HLA-DPB1: variants seen among roughly 807,000 people sequenced by gnomAD.
HLA-DPB1 encodes the protein HLA class II histocompatibility antigen, DP beta 1 chain.
Under a neutral mutation model 29.4 loss-of-function variants are expected in HLA-DPB1, and 30 were observed. The ratio of observed to expected loss-of-function variants is 1.02; its 90% confidence interval spans 0.76 to 1.38. The LOEUF (loss-of-function observed/expected upper bound fraction) is 1.38. Among genes scored for constraint, HLA-DPB1 ranks in the 40% most tolerant of loss-of-function variants. The probability of loss-of-function intolerance (pLI) is 0.00; values close to 1 mark genes in which losing one functional copy is unlikely to be tolerated. For missense variants in HLA-DPB1, 261 were observed against 327.5 expected (o/e 0.80, Z 1.57); for synonymous variants, 114 against 134.0 (o/e 0.85, Z 1.03).
rs963522194 is a variant in HLA-DPB1 at position 33,080,978 on chromosome 6, G to T, written c.364+43G>T. The T allele has an allele frequency of 1.6e-5, 24 of 1,525,208 alleles. No homozygotes were observed. The highest frequency in any genetic ancestry group is 2.0e-5 in the Non-Finnish European group (23 of 1,141,582). The allele number at this position is 1,525,208 out of a possible 1,614,324, so 94.5% of individuals were successfully genotyped here. A position where few individuals can be genotyped will look rare whatever the true frequency, so the allele number is the denominator to read the frequency against. On this transcript the variant is annotated intron_variant, in intron 2 of 5. Coordinates refer to ENST00000418931, the MANE Select transcript of HLA-DPB1 (RefSeq NM_002121.6). This position sits in a 1 kb window ranked among gnomAD's most constrained non-coding sequence, Gnocchi z 4.3. Reference sequence around the variant, plus strand: ...GCCGGCGGTCCCAGGGCAGCCCCGCGGGCCCGTGCCCAGGGCGCAGGAGCA... The same window carrying T: ...GCCGGCGGTCCCAGGGCAGCCCCGCTGGCCCGTGCCCAGGGCGCAGGAGCA...
chr6:33,084,434 T>C (rs902660600), intron 2 of HLA-DPB1, among the ~76,000 whole-genome samples: 1 of 152,174 alleles, frequency 6.6e-6, no homozygotes, highest in Non-Finnish European at 1.5e-5. Context: ...ACTAGCCTAA[T>C]CACATTATTC....
rs142701217 is a variant in HLA-DPB1, at chr6:33,076,319, T to A, written c.100+178T>A. Among the ~76,000 whole-genome samples, 542 of 152,350 alleles carry A rather than the reference T, an allele frequency of 3.6e-3. 3 individuals are homozygous for A. The highest frequency in any genetic ancestry group is 0.026 in the East Asian group (133 of 5,190). On this transcript the variant is annotated intron_variant, in intron 1 of 5. Transcript: ENST00000418931. The stretch of plus-strand genomic sequence containing the variant: ...CCTATAGGATAGCTTGCTACCCTAC[T>A]GGCCTATTCTCTCTCCAAGGACATG...
chr6:33,081,289 A>G (rs111612495), intron 2 of HLA-DPB1: 4,558 of 267,542 alleles, frequency 0.017, 106 homozygotes, highest in African/African-American at 0.066. Flanking sequence ...GAAGAAACCT[A>G]CAGGGAGGTA....
At chr6:33,076,278 A>G in intron 1 of HLA-DPB1, 137 bp downstream of exon 1, 1 of 632,704 alleles carries the variant, frequency 1.6e-6, no homozygotes, top group Non-Finnish European at 2.8e-6. Flanking sequence ...TCCCAGCTAG[A>G]GAAAGAGGTT....
Position 33,080,688 on chromosome 6 carries a change from G to GTT in HLA-DPB1, c.117_118insTT (p.Gly40LeufsTer39). 1 of 1,612,804 alleles carries GTT rather than the reference G, an allele frequency of 6.2e-7. No individual in the cohort carries two copies. Among genetic ancestry groups the GTT allele is most frequent in the Non-Finnish European group, 8.5e-7 (1 of 1,179,510 alleles). Reference sequence around the variant, plus strand: ...TCCCCGCAGAGAATTACCTTTTCCAGGGACGGCAGGAATGCTACGCGTTTA... The same window carrying GTT: ...TCCCCGCAGAGAATTACCTTTTCCAGTTGGACGGCAGGAATGCTACGCGTTTA... On this transcript the variant is annotated frameshift_variant, in exon 2 of 6. Transcript: ENST00000418931. LOFTEE classifies it high-confidence loss of function. The surrounding 1 kb of genome is among the most constrained non-coding windows in gnomAD (Gnocchi z 4.3).
At chr6:33,077,370 A>T (rs2213307) in intron 1 of HLA-DPB1, among the ~76,000 whole-genome samples, 62,042 of 151,696 alleles carry the variant, frequency 0.41, 13,295 homozygotes, top group African/African-American at 0.5. Flanking sequence ...ATAGTGCCGC[A>T]ATAAACATAT....
At chr6:33,079,620 A>T (rs1290790756) in intron 1 of HLA-DPB1, 7 of 460,518 alleles carry the variant, frequency 1.5e-5, no homozygotes, top group South Asian at 6.7e-5. Flanking sequence ...TTGATGCCCA[A>T]CATTGCTTAT....
At chr6:33,083,230 G>A (rs1762951862) in intron 2 of HLA-DPB1, among the ~76,000 whole-genome samples, 1 of 152,202 alleles carries the variant, frequency 6.6e-6, no homozygotes, top group Non-Finnish European at 1.5e-5. Flanking sequence ...TAAGGGTTGT[G>A]TGTCAGTTCA....
At chr6:33,083,944 C>T (rs1425977546) in intron 2 of HLA-DPB1, 2 of 133,758 alleles carry the variant, frequency 1.5e-5, no homozygotes, top group Admixed American at 1.4e-4. Context: ...CCTGAAGACG[C>T]AGCACAGAGG....
rs139072161 is a variant in HLA-DPB1 at position 33,076,122 on chromosome 6, C to T, written c.81C>T (p.Val27=). 1,408 of 1,610,564 alleles carry T rather than the reference C, an allele frequency of 8.7e-4. 16 individuals carry two copies. The African/African-American group carries it at 0.017, about 20-fold the overall frequency. ...TGATGGTGCTGCTCACATCTGTGGT[C>T]CAGGGCAGGGCCACTCCAGGTAAGA... is the stretch of plus-strand genomic sequence containing the variant. The part of the protein sequence containing the change: ...ALLMVLLTSV[V]QGRATPENYL... The change falls in exon 1 of 6, where the codon GTC becomes GTT. Residue 27 remains valine (V), a synonymous_variant. Coordinates refer to ENST00000418931, the MANE Select transcript of HLA-DPB1 (RefSeq NM_002121.6).
rs1257051381 is a variant in HLA-DPB1, at chr6:33,088,259, G to A, written c.*1725G>A. The stretch of plus-strand genomic sequence containing the variant: ...TAAATCCTACCCTCAGAGTCACTGA[G>A]CAGTTAACATTACAAATTACAAACC... On this transcript the variant is annotated 3_prime_UTR_variant, in exon 6 of 6. Transcript: ENST00000418931. 6.6e-6 allele frequency among the ~76,000 whole-genome samples: 1 copy of A among 152,202 alleles called. No homozygotes were observed. Among genetic ancestry groups the A allele is most frequent in the Non-Finnish European group, 1.5e-5 (1 of 68,034 alleles).
At chr6:33,076,238 G>T (rs115910061) in intron 1 of HLA-DPB1, 97 bp downstream of exon 1, 10,304 of 816,536 alleles carry the variant, frequency 0.013, 274 homozygotes, top group East Asian at 0.067. Flanking sequence ...CAGGCTGCGG[G>T]GGCTCCTGCC....
Position 33,076,045 on chromosome 6 carries a change from A to G in HLA-DPB1, c.4A>G (p.Met2Val). ...TTTGCCATCCTTTTCCAGCTCCATG[A>G]TGGTTCTGCAGGTTTCTGCGGCCCC... The part of the protein sequence containing the change: M[M>V]VLQVSAAPRT... The change falls in exon 1 of 6, where the codon ATG becomes GTG. Residue 2 changes from methionine (M) to valine (V), a missense_variant. Physicochemically the swap from Met to Val is conservative, Grantham distance 21. Transcript: ENST00000418931. The G allele has an allele frequency of 6.2e-7, 1 of 1,611,308 alleles. No homozygotes were observed. The highest frequency in any genetic ancestry group is 8.5e-7 in the Non-Finnish European group (1 of 1,179,148).
chr6:33,089,609 A>G lies in HLA-DPB1; in HGVS notation c.*3075A>G, dbSNP rs1483997755. Among the ~76,000 whole-genome samples the G allele has an allele frequency of 7.2e-5, 11 of 152,238 alleles. No individual in the cohort carries two copies. Among genetic ancestry groups the G allele is most frequent in the Non-Finnish European group, 1.6e-4 (11 of 68,042 alleles). On this transcript the variant is annotated 3_prime_UTR_variant, in exon 6 of 6. Transcript: ENST00000418931. The stretch of plus-strand genomic sequence containing the variant: ...TTCCAATGTAAATCATATGGCTGCA[A>G]CTAACTTCAAATAAGTGGGAATACT...
At chr6:33,078,204 T>G (rs1762651657) in intron 1 of HLA-DPB1, among the ~76,000 whole-genome samples, 1 of 152,042 alleles carries the variant, frequency 6.6e-6, no homozygotes, top group Non-Finnish European at 1.5e-5. Flanking sequence ...AAGGCTGGGT[T>G]GAGGTTTGTA....
intron 2 of HLA-DPB1, among the ~76,000 whole-genome samples, chr6:33,081,583 C>T (rs1449871638): frequency 2.0e-5 from 3 of 152,048 alleles, no homozygotes; most frequent in African/African-American, 4.8e-5. Context: ...CAGTGGACAG[C>T]GGTGCCAGTG....
chr6:33,080,969 C>G lies in HLA-DPB1; in HGVS notation c.364+34C>G, dbSNP rs774625599. The G allele has an allele frequency of 1.3e-6, 2 of 1,542,242 alleles. No homozygotes were observed. The highest frequency in any genetic ancestry group is 3.8e-5 in the Admixed American group (2 of 53,238). On this transcript the variant is annotated intron_variant, in intron 2 of 5. Transcript: ENST00000418931. This position sits in a 1 kb window ranked among gnomAD's most constrained non-coding sequence, Gnocchi z 4.3. ...GGGCTTTGGGCCGGCGGTCCCAGGGCAGCCCCGCGGGCCCGTGCCCAGGGC... is the reference window on the plus strand; with the variant it reads ...GGGCTTTGGGCCGGCGGTCCCAGGGGAGCCCCGCGGGCCCGTGCCCAGGGC...
At position 33,080,735 on chromosome 6, in the gene HLA-DPB1, A is replaced by T. The variant is rs770346059; in HGVS notation, c.164A>T (p.Glu55Val). The part of the protein sequence containing the change: ...YAFNGTQRFL[E>V]RYIYNREEFA... ...TTTAATGGGACACAGCGCTTCCTGG[A>T]GAGATACATCTACAACCGGGAGGAG... The change falls in exon 2 of 6, where the codon GAG becomes GTG. Residue 55 changes from glutamate to valine, a missense_variant. Physicochemically the swap from Glu to Val is moderately radical, Grantham distance 121. Transcript: ENST00000418931. This position sits in a 1 kb window ranked among gnomAD's most constrained non-coding sequence, Gnocchi z 4.3. The T allele has an allele frequency of 1.2e-6, 2 of 1,613,582 alleles. No individual in the cohort carries two copies. Among genetic ancestry groups the T allele is most frequent in the Non-Finnish European group, 1.7e-6 (2 of 1,179,854 alleles).
At position 33,086,769 on chromosome 6, in the gene HLA-DPB1, A is replaced by C; in HGVS notation, c.*235A>C. 1 of 351,904 alleles carries C rather than the reference A, an allele frequency of 2.8e-6. No homozygotes were observed. The highest frequency in any genetic ancestry group is 5.7e-6 in the Non-Finnish European group (1 of 174,392). The allele number at this position is 351,904 out of a possible 1,614,324, so 21.8% of individuals were successfully genotyped here. On this transcript the variant is annotated 3_prime_UTR_variant, in exon 6 of 6. Transcript: ENST00000418931. The stretch of plus-strand genomic sequence containing the variant: ...TAGCACCACAAATAATCAAAACCCA[A>C]CATGACTGTTTGTTTTCCTTTAAAA...
Sources: allele counts gnomAD v4.1 joint callset (sites outside exome capture counted in the v4.1 genomes callset), GRCh38; gene constraint gnomAD v4.1.1; non-coding constraint Gnocchi (gnomAD v3.1); transcripts MANE v1.5; gene names NCBI Gene and HGNC (gene_info 2026-07-23, HGNC 2026-07-21).